The following TECTA variants were observed in gnomAD, a reference collection of about 807,000 sequenced individuals.
TECTA encodes alpha-tectorin.
In TECTA, 128 loss-of-function variants were observed where a neutral mutation model predicts 216.8. That is an observed-to-expected ratio of 0.59 (90% confidence interval 0.51 to 0.68). The LOEUF is 0.68. TECTA is among the 30% of genes least tolerant of loss of function. TECTA has a pLI of 0.00. For synonymous variants in TECTA, 1,089 were observed against 1,117.1 expected (o/e 0.97, Z 0.50); for missense variants, 2,551 against 2,786.2 (o/e 0.92, Z 1.90).
rs202199158 is a variant in TECTA, at chr11:121,157,850, C to A, written c.4315C>A (p.Leu1439Ile). Reference protein sequence around the residue: ...SDGKYYEPKQLFWNSDCTRRC... With the variant: ...SDGKYYEPKQIFWNSDCTRRC... ...GGCGCCTCTCTTCCAGCCCAAGCAGCTATTTTGGAACAGCGACTGCACGCG... is the reference window on the plus strand; with the variant it reads ...GGCGCCTCTCTTCCAGCCCAAGCAGATATTTTGGAACAGCGACTGCACGCG... Residue 1439 changes from leucine (L) to isoleucine (I), a missense_variant, in exon 14 of 24, where the codon CTA becomes ATA. By Grantham distance (5) the Leu-to-Ile change is conservative. Transcript: ENST00000392793. The A allele has an allele frequency of 2.7e-4, 439 of 1,614,148 alleles. 4 individuals carry two copies. The East Asian group carries it at 7.8e-3, about 29-fold the overall frequency.
intron 1 of TECTA, among the ~76,000 whole-genome samples, chr11:121,102,358 G>A (rs1946353825): frequency 6.6e-6 from 1 of 152,166 alleles, no homozygotes; most frequent in Non-Finnish European, 1.5e-5. Flanking sequence ...TTGATGCAGA[G>A]GGGATACCTT....
intron 20 of TECTA, among the ~76,000 whole-genome samples, chr11:121,184,569 GAGA>G (rs1390571961): frequency 6.6e-6 from 1 of 151,742 alleles, no homozygotes; most frequent in East Asian, 1.9e-4. Context: ...GGTTTTCCAA[GAGA>G]AGAAGGGTGT....
In TECTA at chr11:121,129,343, A is replaced by C. The variant is rs150613469; in HGVS notation, c.2368-295A>C. Among the ~76,000 whole-genome samples, 1,254 of 152,348 alleles carry C rather than the reference A, an allele frequency of 8.2e-3. 15 individuals are homozygous for C. Among genetic ancestry groups the C allele is most frequent in the Non-Finnish European group, 0.014 (956 of 68,036 alleles). ...CAAAACAGAGATGCCAGGCGGCAGG[A>C]GGGAGCCACGTATCTAAGACGATTT... On this transcript the variant is annotated intron_variant, in intron 9 of 23. Transcript: ENST00000392793.
chr11:121,117,428 G>T (rs1489545998), intron 6 of TECTA, among the ~76,000 whole-genome samples: 2 of 152,210 alleles, frequency 1.3e-5, no homozygotes, highest in East Asian at 1.9e-4. Flanking sequence ...TCAATTAAAG[G>T]TTGATGTTAG....
chr11:121,136,371 G>A (rs1480528025), intron 10 of TECTA, among the ~76,000 whole-genome samples: 1 of 152,098 alleles, frequency 6.6e-6, no homozygotes, highest in Non-Finnish European at 1.5e-5. Context: ...CCAGGAAGGG[G>A]AAAGCGCATG....
rs373956627 is a variant in TECTA at position 121,125,842 on chromosome 11, A to G, written c.1744A>G (p.Ile582Val). The G allele has an allele frequency of 1.1e-5, 17 of 1,611,992 alleles. No homozygotes were observed. Among genetic ancestry groups the G allele is most frequent in the East Asian group, 6.7e-5 (3 of 44,886 alleles). ...TGTGTGCCAAGCCCTTGGCATTCCAATTGGAGACTGGCGAACCCAGACTGG... is the reference window on the plus strand; with the variant it reads ...TGTGTGCCAAGCCCTTGGCATTCCAGTTGGAGACTGGCGAACCCAGACTGG... ...ALVCQALGIP[I>V]GDWRTQTGCV... is the part of the protein sequence containing the mutation. The change falls in exon 8 of 24, where the codon ATT becomes GTT. Residue 582 changes from isoleucine (I) to valine (V), a missense_variant. Physicochemically the swap from Ile to Val is conservative, Grantham distance 29. This residue lies in a region of TECTA where 2,375 missense variants were observed against 2,563.9 expected (regional missense o/e 0.93). Transcript: ENST00000392793.
At chr11:121,148,258 C>G (rs1043970055) in intron 12 of TECTA, among the ~76,000 whole-genome samples, 1 of 152,178 alleles carries the variant, frequency 6.6e-6, no homozygotes, top group African/African-American at 2.4e-5. Context: ...ACGCCAGGGC[C>G]AACAGGTAAC....
chr11:121,158,058 A>C lies in TECTA; in HGVS notation c.4523A>C (p.Asn1508Thr). The change falls in exon 14 of 24, where the codon AAC (asparagine) becomes ACC (threonine). Residue 1508 changes from asparagine to threonine, a missense_variant. By Grantham distance (65) the Asn-to-Thr change is moderately conservative (BLOSUM62 0). This residue lies in a region of TECTA where 2,375 missense variants were observed against 2,563.9 expected (regional missense o/e 0.93). Coordinates refer to ENST00000392793, the MANE Select transcript of TECTA (RefSeq NM_005422.4). ...FDGAFLRFPANCAFVLSTICQ... is the reference protein window; with the variant it reads ...FDGAFLRFPATCAFVLSTICQ... ...GGCGCCTTCCTGCGCTTCCCAGCCAACTGCGCCTTCGTGCTGTCCACCATC... is the reference window on the plus strand; with the variant it reads ...GGCGCCTTCCTGCGCTTCCCAGCCACCTGCGCCTTCGTGCTGTCCACCATC... 6.2e-7 allele frequency: 1 copy of C among 1,613,636 alleles called. No homozygotes were observed. The highest frequency in any genetic ancestry group is 8.5e-7 in the Non-Finnish European group (1 of 1,179,982).
At chr11:121,189,451 G>T (rs900129551) in intron 22 of TECTA, among the ~76,000 whole-genome samples, 1 of 151,044 alleles carries the variant, frequency 6.6e-6, no homozygotes, top group Non-Finnish European at 1.5e-5. Flanking sequence ...TTGGCTCACT[G>T]CAAGCTCCGC....
chr11:121,189,958 T>A, intron 23 of TECTA, 78 bp downstream of exon 23: 1 of 1,215,966 alleles, frequency 8.2e-7, no homozygotes. Context: ...AAATTCAGAT[T>A]TGAAGGCCAC....
In TECTA at chr11:121,153,053, C is replaced by T. The variant is rs772867751; in HGVS notation, c.4278C>T (p.Gly1426=). ...GKSCILPHSC[G]CYSDGKYYEP... ...GCTGCATCCTGCCCCACAGCTGCGGCTGCTACTCCGATGGCAAATATTACG... is the reference window on the plus strand; with the variant it reads ...GCTGCATCCTGCCCCACAGCTGCGGTTGCTACTCCGATGGCAAATATTACG... Residue 1426 remains glycine (G), a synonymous_variant, in exon 13 of 24, where the codon GGC becomes GGT. Transcript: ENST00000392793. 8.1e-6 allele frequency: 13 copies of T among 1,613,994 alleles called. No individual in the cohort carries two copies. The highest frequency in any genetic ancestry group is 1.0e-5 in the Non-Finnish European group (12 of 1,180,014).
At chr11:121,111,003 G>A (rs954212429) in intron 4 of TECTA, among the ~76,000 whole-genome samples, 1 of 152,110 alleles carries the variant, frequency 6.6e-6, no homozygotes, top group Admixed American at 6.6e-5. Context: ...GTTATTCCAT[G>A]TTTCCCCTTC....
rs376541939 is a variant in TECTA at position 121,105,944 on chromosome 11, G to T, written c.178G>T (p.Val60Phe). The change falls in exon 3 of 24, where the codon GTT becomes TTT. Residue 60 changes from valine to phenylalanine, a missense_variant. This residue lies in a region of TECTA where 2,375 missense variants were observed against 2,563.9 expected (regional missense o/e 0.93). Coordinates refer to ENST00000392793, the MANE Select transcript of TECTA (RefSeq NM_005422.4). This position sits in a 1 kb window ranked among gnomAD's most constrained non-coding sequence, Gnocchi z 5.3. ...GGCCATCCCAGTTTTCTTCTTTGGC[G>T]TTCCTTACCGCACTGTCTATGTAAG... The part of the protein sequence containing the change: ...KLAIPVFFFG[V>F]PYRTVYVNNN... The T allele has an allele frequency of 1.2e-6, 2 of 1,614,144 alleles. No homozygotes were observed. The highest frequency in any genetic ancestry group is 1.7e-6 in the Non-Finnish European group (2 of 1,180,020).
At chr11:121,147,298 A>G (rs4936587) in intron 12 of TECTA, among the ~76,000 whole-genome samples, 41,573 of 152,078 alleles carry the variant, frequency 0.27, 7,213 homozygotes, top group African/African-American at 0.49. Flanking sequence ...CATCTGGAAA[A>G]GGAGATTCAG....
At chr11:121,135,817 G>A (rs113382717) in intron 10 of TECTA, among the ~76,000 whole-genome samples, 5 of 152,288 alleles carry the variant, frequency 3.3e-5, no homozygotes, top group African/African-American at 1.2e-4. Context: ...TCTTTAGATC[G>A]CACAGACTTG....
At chr11:121,102,940 A>C (rs553132015) in intron 2 of TECTA, among the ~76,000 whole-genome samples, 3 of 152,322 alleles carry the variant, frequency 2.0e-5, no homozygotes, top group African/African-American at 7.2e-5. Context: ...ATTTAACTTC[A>C]AATACTATTT....
intron 7 of TECTA, 103 bp downstream of exon 7, chr11:121,118,821 C>T (rs765140639): frequency 2.6e-5 from 38 of 1,480,410 alleles, no homozygotes; most frequent in Admixed American, 5.2e-5. Flanking sequence ...TGTCTCTGTA[C>T]AGTGCCAAAG....
intron 20 of TECTA, among the ~76,000 whole-genome samples, chr11:121,170,214 C>T (rs1489658548): frequency 6.6e-6 from 1 of 152,046 alleles, no homozygotes; most frequent in African/African-American, 2.4e-5. Context: ...ATAGTATTCC[C>T]TTGTGTATAT....
rs763162422 is a variant in TECTA, at chr11:121,130,112, G to A, written c.2842G>A (p.Gly948Ser). 1.9e-6 allele frequency: 3 copies of A among 1,613,100 alleles called. No individual in the cohort carries two copies. In the South Asian group the frequency reaches 3.3e-5, roughly 18 times the overall value. ...TCLFRLCQSG[G>S]NESELCDSVA... ...CCTTTTCCGCCTGTGCCAGAGTGGGGGCAATGAGTCAGAGCTCTGTGACTC... is the reference window on the plus strand; with the variant it reads ...CCTTTTCCGCCTGTGCCAGAGTGGGAGCAATGAGTCAGAGCTCTGTGACTC... Residue 948 changes from glycine (G) to serine (S), a missense_variant, in exon 10 of 24, where the codon GGC becomes AGC. Physicochemically the swap from Gly to Ser is moderately conservative, Grantham distance 56. Around this residue, in one of 3 missense-constraint regions of TECTA, gnomAD observed 2,375 missense variants for 2,563.9 expected, o/e 0.93. Coordinates refer to ENST00000392793, the MANE Select transcript of TECTA (RefSeq NM_005422.4).
Sources: allele counts gnomAD v4.1 joint callset (sites outside exome capture counted in the v4.1 genomes callset), GRCh38; gene constraint gnomAD v4.1.1; regional missense constraint gnomAD v4.1.1; non-coding constraint Gnocchi (gnomAD v3.1); transcripts MANE v1.5; gene names NCBI Gene and HGNC (gene_info 2026-07-23, HGNC 2026-07-21).